Variants in STX8 observed in about 807,000 individuals in gnomAD.
STX8 encodes syntaxin-8.
Under a neutral mutation model 37.5 loss-of-function variants are expected in STX8, and 23 were observed. The ratio of observed to expected loss-of-function variants is 0.61; its 90% CI spans 0.44 to 0.87. The LOEUF (loss-of-function observed/expected upper bound fraction) is 0.87. STX8 is among the 40% of genes least tolerant of loss of function. The probability of loss-of-function intolerance (pLI) is 0.00; values close to 1 mark genes in which losing one functional copy is unlikely to be tolerated. For synonymous variants in STX8, 115 were observed against 99.1 expected, an observed-to-expected ratio of 1.16 and a Z score of -0.95; for missense variants, 313 against 284.7, an observed-to-expected ratio of 1.10 and a Z score of -0.71.
chr17:9,259,632 C>T (rs559084268), intron 7 of STX8, among the ~76,000 whole-genome samples: 28 of 152,224 alleles, frequency 1.8e-4, no homozygotes, highest in African/African-American at 6.5e-4. Flanking sequence ...GGAATGCTGG[C>T]GGCGGTCAGC....
At position 9,407,320 on chromosome 17, in the gene STX8, C is replaced by T. The variant is rs1912836285; in HGVS notation, c.542-28667G>A. On this transcript the variant is annotated intron_variant, in intron 6 of 7. Coordinates refer to ENST00000306357, the MANE Select transcript of STX8 (RefSeq NM_004853.3). ...CTGGGATTAAAGGCATGAGCCACCCCACCTGGCCCCAGCACCGTATTTTAC... is the reference window on the plus strand; with the variant it reads ...CTGGGATTAAAGGCATGAGCCACCCTACCTGGCCCCAGCACCGTATTTTAC... Among the ~76,000 whole-genome samples the T allele has an allele frequency of 2.0e-5, 3 of 152,170 alleles. No individual in the cohort carries two copies. In the South Asian group the frequency reaches 6.2e-4, roughly 31 times the overall value.
At chr17:9,516,821 T>C (rs763230493) in intron 4 of STX8, among the ~76,000 whole-genome samples, 24 of 152,162 alleles carry the variant, frequency 1.6e-4, no homozygotes, top group Non-Finnish European at 3.4e-4. Context: ...AGAGAGCATC[T>C]AGCTTTGTAT....
intron 6 of STX8, among the ~76,000 whole-genome samples, chr17:9,489,429 T>C (rs1405998390): frequency 6.6e-6 from 1 of 152,122 alleles, no homozygotes; most frequent in African/African-American, 2.4e-5. Flanking sequence ...TGCGGCTTGA[T>C]TGCCTTATGC....
At chr17:9,304,325 C>T (rs1908882374) in intron 7 of STX8, among the ~76,000 whole-genome samples, 1 of 152,066 alleles carries the variant, frequency 6.6e-6, no homozygotes, top group African/African-American at 2.4e-5. Flanking sequence ...GCCGGACCAA[C>T]ATGGAGAAAC....
At chr17:9,421,613 A>G (rs1913432903) in intron 6 of STX8, among the ~76,000 whole-genome samples, 1 of 151,932 alleles carries the variant, frequency 6.6e-6, no homozygotes, top group African/African-American at 2.4e-5. Flanking sequence ...ATAACATAAA[A>G]TTGGCCAATT....
At chr17:9,466,361 A>G (rs1905613780) in intron 6 of STX8, among the ~76,000 whole-genome samples, 1 of 152,196 alleles carries the variant, frequency 6.6e-6, no homozygotes, top group South Asian at 2.1e-4. Context: ...ATTAAAACCT[A>G]ATAGGTATTG....
In STX8 at chr17:9,292,541, G is replaced by T. The variant is rs185612640; in HGVS notation, c.644-41896C>A. Reference sequence around the variant, plus strand: ...TTACAGCAGACAAAATAAAGAGGAGGCACTCATATTTCTCCAGCTACCTGC... The same window carrying T: ...TTACAGCAGACAAAATAAAGAGGAGTCACTCATATTTCTCCAGCTACCTGC... On this transcript the variant is annotated intron_variant, in intron 7 of 7. Transcript: ENST00000306357. Among the ~76,000 whole-genome samples the T allele has an allele frequency of 1.1e-3, 171 of 152,304 alleles. 2 individuals are homozygous for T. Among genetic ancestry groups the T allele is most frequent in the East Asian group, 5.8e-4 (3 of 5,190 alleles).
chr17:9,317,941 G>A lies in STX8; in HGVS notation c.643+60611C>T, dbSNP rs190476938. 1.5e-3 allele frequency among the ~76,000 whole-genome samples: 224 copies of A among 152,218 alleles called. 1 individual carries two copies. The highest frequency in any genetic ancestry group is 4.9e-3 in the African/African-American group (203 of 41,550). On this transcript the variant is annotated intron_variant, in intron 7 of 7. Coordinates refer to ENST00000306357, the MANE Select transcript of STX8 (RefSeq NM_004853.3). ...GGAGTTTCCCCAGTGACCTGGATGC[G>A]AGGCCCATCAATCAGCCAGCTCCAT...
At chr17:9,384,794 T>TTGTGTGTGTGTGTGTGTGTGTGTGTG (rs59655296) in intron 6 of STX8, among the ~76,000 whole-genome samples, 8 of 147,656 alleles carry the variant, frequency 5.4e-5, no homozygotes, top group African/African-American at 1.5e-4. Flanking sequence ...CCAGATAGAC[T>TTGTGTGTGTGTGTGTGTGTGTGTGTG]TGTGTGTGTG....
At chr17:9,327,189 AGAAG>A (rs900500222) in intron 7 of STX8, among the ~76,000 whole-genome samples, 2 of 150,170 alleles carry the variant, frequency 1.3e-5, no homozygotes, top group African/African-American at 2.5e-5. Flanking sequence ...AGAAGGAAGA[AGAAG>A]GAAGAAGGAA....
intron 7 of STX8, among the ~76,000 whole-genome samples, chr17:9,331,454 G>A (rs1261274415): frequency 1.3e-5 from 2 of 152,000 alleles, no homozygotes; most frequent in Non-Finnish European, 2.9e-5. Flanking sequence ...AGTATGAATT[G>A]CTTTAATTTT....
chr17:9,319,082 C>T (rs1176814898), intron 7 of STX8, among the ~76,000 whole-genome samples: 4 of 152,186 alleles, frequency 2.6e-5, no homozygotes, highest in African/African-American at 7.2e-5. Flanking sequence ...AATTTTTCCA[C>T]GTGGAAATTA....
chr17:9,384,799 T>TGTGTGTGTGTGTGTGTGA, intron 6 of STX8, among the ~76,000 whole-genome samples: 1 of 151,502 alleles, frequency 6.6e-6, no homozygotes, highest in African/African-American at 2.4e-5. Context: ...TAGACTTGTG[T>TGTGTGTGTGTGTGTGTGA]GTGTGTGTGT....
chr17:9,531,887 T>C (rs188591710), intron 4 of STX8, among the ~76,000 whole-genome samples: 9 of 152,292 alleles, frequency 5.9e-5, no homozygotes, highest in African/African-American at 2.2e-4. Flanking sequence ...CTTTGTTGTC[T>C]AGCTTTTAAA....
intron 6 of STX8, 71 bp from the exon 7 acceptor site, chr17:9,378,724 T>TAC: frequency 2.6e-6 from 3 of 1,165,540 alleles, no homozygotes; most frequent in Non-Finnish European, 3.9e-6. Flanking sequence ...ACAGCTGTGG[T>TAC]TGTTCATCCT....
intron 6 of STX8, chr17:9,469,372 A>C (rs1905753355): frequency 6.6e-6 from 1 of 151,708 alleles, no homozygotes; most frequent in African/African-American, 2.4e-5. Flanking sequence ...ATACACACAC[A>C]CACACACACA....
chr17:9,260,673 G>A (rs1906984844), intron 7 of STX8, among the ~76,000 whole-genome samples: 2 of 152,154 alleles, frequency 1.3e-5, no homozygotes, highest in Admixed American at 1.3e-4. Context: ...GTCTTTTGGG[G>A]TGGCTCTTTA....
intron 6 of STX8, among the ~76,000 whole-genome samples, chr17:9,393,941 T>C (rs1912312715): frequency 6.6e-6 from 1 of 152,160 alleles, no homozygotes; most frequent in South Asian, 2.1e-4. Flanking sequence ...TGTGTAAAAA[T>C]TCACAGAACA....
chr17:9,323,743 G>A (rs1909653401), intron 7 of STX8, among the ~76,000 whole-genome samples: 1 of 152,220 alleles, frequency 6.6e-6, no homozygotes, highest in Admixed American at 6.5e-5. Context: ...GTGAAGAGAG[G>A]AGGCCTGTCC....
Sources: allele counts gnomAD v4.1 joint callset (sites outside exome capture counted in the v4.1 genomes callset), GRCh38; gene constraint gnomAD v4.1.1; transcripts MANE v1.5; gene names NCBI Gene and HGNC (gene_info 2026-07-23, HGNC 2026-07-21).